FBXW10B: variants seen among roughly 807,000 people sequenced by gnomAD.
The protein encoded by FBXW10B is F-box and WD repeat domain containing 10B, also known as F-box and WD repeat domain containing protein 10B.
At chr17:15,583,058 AG>A in the FBXW10B span, among the ~76,000 whole-genome samples, 2 of 149,786 alleles carry the variant, frequency 1.3e-5, no homozygotes, top group African/African-American at 4.9e-5. Context: ...CAGGCAGAGT[AG>A]TCCTTCTAAA....
chr17:15,601,181 G>A, the FBXW10B span, among the ~76,000 whole-genome samples: 15 of 150,556 alleles, frequency 1.0e-4, no homozygotes, highest in South Asian at 4.2e-4. Context: ...AGGCCGAGGC[G>A]GGCGGATCAC....
chr17:15,571,073 C>T, the FBXW10B span, among the ~76,000 whole-genome samples: 1 of 152,202 alleles, frequency 6.6e-6, no homozygotes, highest in East Asian at 1.9e-4. Context: ...GGGCCGGGCA[C>T]AGTGGCTCAC....
the FBXW10B span, among the ~76,000 whole-genome samples, chr17:15,592,292 A>C: frequency 8.0e-6 from 1 of 125,036 alleles, no homozygotes; most frequent in Non-Finnish European, 1.7e-5. Context: ...AAAAATGGCC[A>C]GAGTTTTTTT....
At chr17:15,610,157 T>G in the FBXW10B span, among the ~76,000 whole-genome samples, 2 of 152,124 alleles carry the variant, frequency 1.3e-5, no homozygotes, top group African/African-American at 4.8e-5. Context: ...CCACTGCGCC[T>G]GGCCCCTTTT....
chr17:15,612,293 G>T, the FBXW10B span, among the ~76,000 whole-genome samples: 2 of 151,970 alleles, frequency 1.3e-5, no homozygotes. Context: ...GGATCACAAG[G>T]TCAGGAGATC....
the FBXW10B span, among the ~76,000 whole-genome samples, chr17:15,590,948 A>G: frequency 1.3e-5 from 2 of 152,164 alleles, no homozygotes; most frequent in Non-Finnish European, 2.9e-5. Context: ...GAAGACCCAG[A>G]CAGGGCCAGA....
chr17:15,587,496 G>C, the FBXW10B span, among the ~76,000 whole-genome samples: 1 of 151,486 alleles, frequency 6.6e-6, no homozygotes, highest in Non-Finnish European at 1.5e-5. Flanking sequence ...ATAGCAGAGT[G>C]GTAGAGTGGT....
At chr17:15,608,165 T>TA in the FBXW10B span, among the ~76,000 whole-genome samples, 1 of 86,972 alleles carries the variant, frequency 1.1e-5, no homozygotes, top group Admixed American at 1.1e-4. Flanking sequence ...CATTTGCATT[T>TA]TTTTTTTTTT....
chr17:15,605,152 G>A, the FBXW10B span: 775 of 1,572,578 alleles, frequency 4.9e-4, no homozygotes, highest in Non-Finnish European at 6.2e-4. Flanking sequence ...GAAGAAGCAT[G>A]CACACTTCTT....
At chr17:15,616,075 G>GAT in the FBXW10B span, among the ~76,000 whole-genome samples, 1 of 152,084 alleles carries the variant, frequency 6.6e-6, no homozygotes, top group Admixed American at 6.5e-5. Context: ...GTCAGGAACT[G>GAT]CAACAGGGAA....
the FBXW10B span, among the ~76,000 whole-genome samples, chr17:15,601,906 A>T: frequency 6.6e-6 from 1 of 152,108 alleles, no homozygotes; most frequent in Non-Finnish European, 1.5e-5. Context: ...AGGTCAGGAG[A>T]TCGAGACCAT....
At chr17:15,601,324 G>A in the FBXW10B span, among the ~76,000 whole-genome samples, 1 of 148,758 alleles carries the variant, frequency 6.7e-6, no homozygotes, top group Admixed American at 6.7e-5. Flanking sequence ...AAGGAGAATG[G>A]CGTGAACCCA....
chr17:15,602,600 A>ATTTTT, the FBXW10B span, among the ~76,000 whole-genome samples: 3 of 74,394 alleles, frequency 4.0e-5, no homozygotes, highest in African/African-American at 2.3e-4. Flanking sequence ...TCATATTGAG[A>ATTTTT]TTTTTTTTTT....
At chr17:15,585,423 T>C in the FBXW10B span, among the ~76,000 whole-genome samples, 2 of 152,330 alleles carry the variant, frequency 1.3e-5, no homozygotes, top group East Asian at 3.9e-4. Context: ...ATTTAGTCTA[T>C]CTGTAAAGAA....
At chr17:15,571,527 G>A in the FBXW10B span, 1 of 152,180 alleles carries the variant, frequency 6.6e-6, no homozygotes, top group Non-Finnish European at 1.5e-5. Flanking sequence ...ACAATACAGT[G>A]CTGACAAGGG....
chr17:15,601,582 C>A, the FBXW10B span, among the ~76,000 whole-genome samples: 1 of 151,996 alleles, frequency 6.6e-6, no homozygotes, highest in Non-Finnish European at 1.5e-5. Context: ...AATTAAGATA[C>A]CATTCACAAT....
chr17:15,591,338 G>A, the FBXW10B span, among the ~76,000 whole-genome samples: 1 of 152,176 alleles, frequency 6.6e-6, no homozygotes, highest in Admixed American at 6.5e-5. Context: ...CGCCCAGGCT[G>A]GAGTGCAGTG....
the FBXW10B span, among the ~76,000 whole-genome samples, chr17:15,585,243 T>C: frequency 4.1e-4 from 62 of 152,224 alleles, no homozygotes; most frequent in African/African-American, 1.4e-3. Context: ...GAAAATCATA[T>C]TGTGTGCCAT....
chr17:15,614,493 C>T, the FBXW10B span, among the ~76,000 whole-genome samples: 12 of 152,108 alleles, frequency 7.9e-5, no homozygotes, highest in South Asian at 1.7e-3. Context: ...TGCACCCGGC[C>T]GAGAATAGAA....
Sources: allele counts gnomAD v4.1 joint callset (sites outside exome capture counted in the v4.1 genomes callset), GRCh38; gene constraint gnomAD v4.1.1; transcripts MANE v1.5; gene names NCBI Gene and HGNC (gene_info 2026-07-23, HGNC 2026-07-21).